Variants in SPIRE1 observed in about 807,000 individuals in gnomAD.
SPIRE1 encodes the protein spire type actin nucleation factor 1, also known as protein spire homolog 1.
In SPIRE1, 40 loss-of-function variants were observed where a neutral mutation model predicts 94.1. That is an observed-to-expected ratio of 0.43 (90% confidence interval 0.33 to 0.55). The LOEUF (loss-of-function observed/expected upper bound fraction) is 0.55. Among genes scored for constraint, SPIRE1 ranks in the 20% least tolerant of loss-of-function variants. The pLI is 0.06. For missense variants in SPIRE1, 838 were observed against 975.2 expected (o/e 0.86, Z 1.87); for synonymous variants, 376 against 371.7 (o/e 1.01, Z -0.13).
intron 6 of SPIRE1, 63 bp downstream of exon 6, chr18:12,506,414 C>A: frequency 6.8e-7 from 1 of 1,472,944 alleles, no homozygotes; most frequent in Non-Finnish European, 9.5e-7. Flanking sequence ...CTGCCTCGAC[C>A]TCCCAAAGTG....
chr18:12,519,257 T>C (rs2034289949), intron 4 of SPIRE1, among the ~76,000 whole-genome samples: 1 of 152,208 alleles, frequency 6.6e-6, no homozygotes, highest in Non-Finnish European at 1.5e-5. Context: ...GTCATAAAAA[T>C]GAAAGCAATT....
intron 2 of SPIRE1, among the ~76,000 whole-genome samples, chr18:12,632,815 C>T (rs1335344795): frequency 1.3e-5 from 2 of 152,036 alleles, no homozygotes; most frequent in Non-Finnish European, 1.5e-5. Flanking sequence ...TGAACTAATG[C>T]TTCTTTACAA....
Position 12,637,467 on chromosome 18 carries a change from T to C in SPIRE1, c.338-2371A>G, listed in dbSNP as rs560571962. Among the ~76,000 whole-genome samples, 4 of 152,220 alleles carry C rather than the reference T, an allele frequency of 2.6e-5. No individual in the cohort carries two copies. In the South Asian group the frequency reaches 8.3e-4, roughly 32 times the overall value. On this transcript the variant is annotated intron_variant, in intron 1 of 16. Transcript: ENST00000409402. The stretch of plus-strand genomic sequence containing the variant: ...ATAAGTTTTTGTAGTACGTTTCTTG[T>C]TGGTAGTATAAAATTCTGAAACTAT...
chr18:12,564,067 ATAGTTTTACAATGTCAGGTTAG>A (rs2035755707), intron 2 of SPIRE1, among the ~76,000 whole-genome samples: 2 of 152,226 alleles, frequency 1.3e-5, no homozygotes. Flanking sequence ...TACAAAAAGC[ATAGTTTTACAATGTCAGGTTAG>A]AACTAGCCAA....
chr18:12,478,631 G>A (rs574394396), intron 10 of SPIRE1, among the ~76,000 whole-genome samples: 2 of 151,622 alleles, frequency 1.3e-5, no homozygotes, highest in Non-Finnish European at 2.9e-5. Flanking sequence ...GCGCGCATGC[G>A]TATGTAGCTA....
intron 2 of SPIRE1, among the ~76,000 whole-genome samples, chr18:12,553,894 A>G (rs921019361): frequency 2.0e-5 from 3 of 152,154 alleles, no homozygotes; most frequent in Non-Finnish European, 4.4e-5. Flanking sequence ...AATCAACAAA[A>G]CAACAAGTTG....
At chr18:12,591,865 A>G (rs2036544285) in intron 2 of SPIRE1, among the ~76,000 whole-genome samples, 1 of 146,816 alleles carries the variant, frequency 6.8e-6, no homozygotes, top group Non-Finnish European at 1.5e-5. Flanking sequence ...GCTACTTGGG[A>G]GGCTGATGCA....
chr18:12,486,101 C>T (rs2033030181), intron 8 of SPIRE1, 101 bp from the exon 9 acceptor site: 1 of 829,852 alleles, frequency 1.2e-6, no homozygotes, highest in African/African-American at 1.8e-5. Flanking sequence ...CCCTTAGTGG[C>T]TACATGTCAG....
At chr18:12,527,803 A>C (rs563571540) in intron 4 of SPIRE1, among the ~76,000 whole-genome samples, 2 of 152,128 alleles carry the variant, frequency 1.3e-5, no homozygotes, top group Admixed American at 1.3e-4. Flanking sequence ...GCAGTGGCTC[A>C]CGCCTGTAAT....
chr18:12,568,420 G>T (rs571066829), intron 2 of SPIRE1, among the ~76,000 whole-genome samples: 1 of 152,020 alleles, frequency 6.6e-6, no homozygotes, highest in East Asian at 1.9e-4. Flanking sequence ...CCTATTTTCT[G>T]CATGGCCTTT....
intron 2 of SPIRE1, among the ~76,000 whole-genome samples, chr18:12,548,879 T>C (rs2035252493): frequency 1.3e-5 from 2 of 152,150 alleles, no homozygotes; most frequent in African/African-American, 2.4e-5. Flanking sequence ...CCTCTCAAAG[T>C]GCTAGGATTA....
intron 2 of SPIRE1, among the ~76,000 whole-genome samples, chr18:12,629,439 T>C (rs561674324): frequency 2.2e-4 from 34 of 152,376 alleles, no homozygotes; most frequent in Admixed American, 2.2e-3. Flanking sequence ...GGGTCTGAAC[T>C]GCTTCCTTGA....
In SPIRE1 at chr18:12,479,696, C is replaced by G. The variant is rs757250452; in HGVS notation, c.1404+3G>C. 1 of 1,600,834 alleles carries G rather than the reference C, an allele frequency of 6.2e-7. No homozygotes were observed. The highest frequency in any genetic ancestry group is 1.1e-5 in the South Asian group (1 of 88,672). The stretch of plus-strand genomic sequence containing the variant: ...AGTCAAGCTGGGTGAACTGGGGCCT[C>G]ACCTCAGACTCAGAGCTGTCCAGTT... On this transcript the variant is annotated splice_donor_region_variant and intron_variant, in intron 10 of 16. Transcript: ENST00000409402.
chr18:12,486,569 T>C (rs1232054393), intron 8 of SPIRE1, among the ~76,000 whole-genome samples: 1 of 152,200 alleles, frequency 6.6e-6, no homozygotes, highest in African/African-American at 2.4e-5. Context: ...TTGCCTGAGT[T>C]TGAACCTCAG....
At chr18:12,544,888 A>G (rs894968230) in intron 3 of SPIRE1, among the ~76,000 whole-genome samples, 1 of 152,198 alleles carries the variant, frequency 6.6e-6, no homozygotes, top group Non-Finnish European at 1.5e-5. Context: ...TGGCTATGAC[A>G]TGTTACATTA....
intron 2 of SPIRE1, among the ~76,000 whole-genome samples, chr18:12,633,989 C>T (rs1181241201): frequency 6.6e-6 from 1 of 152,180 alleles, no homozygotes; most frequent in Non-Finnish European, 1.5e-5. Context: ...TGGCTCATGC[C>T]TGTAATCCCA....
intron 2 of SPIRE1, among the ~76,000 whole-genome samples, chr18:12,628,039 CAGA>C (rs1441263539): frequency 6.6e-6 from 1 of 152,162 alleles, no homozygotes; most frequent in Non-Finnish European, 1.5e-5. Context: ...TTCTGCCATG[CAGA>C]AGCTCTTTAG....
chr18:12,638,835 C>T (rs749990575), intron 1 of SPIRE1, among the ~76,000 whole-genome samples: 7 of 152,148 alleles, frequency 4.6e-5, no homozygotes, highest in Non-Finnish European at 8.8e-5. Flanking sequence ...CCTGCTCCAG[C>T]CATCCAGGAC....
chr18:12,478,430 G>T (rs1025557648), intron 10 of SPIRE1, among the ~76,000 whole-genome samples: 4 of 151,290 alleles, frequency 2.6e-5, no homozygotes, highest in Non-Finnish European at 1.5e-5. Flanking sequence ...TGAAGCGAGG[G>T]TGTGTATGTG....
Sources: allele counts gnomAD v4.1 joint callset (sites outside exome capture counted in the v4.1 genomes callset), GRCh38; gene constraint gnomAD v4.1.1; transcripts MANE v1.5; gene names NCBI Gene and HGNC (gene_info 2026-07-23, HGNC 2026-07-21).